ZMAT4: variants seen among roughly 807,000 people sequenced by gnomAD.
ZMAT4 encodes zinc finger matrin-type protein 4.
A neutral mutation model predicts 28.7 loss-of-function variants in ZMAT4; 17 were observed. The observed-to-expected ratio is 0.59, with a 90% CI of 0.41 to 0.89. The LOEUF is 0.89. Among genes scored for constraint, ZMAT4 ranks in the 40% least tolerant of loss-of-function variants. The pLI, the probability that ZMAT4 is intolerant of heterozygous loss-of-function variation, is 0.00. For missense variants in ZMAT4, 240 were observed against 283.8 expected (o/e 0.85, Z 1.11); for synonymous variants, 117 against 109.2 (o/e 1.07, Z -0.44).
At chr8:40,560,197 TTATA>T (rs4038742) in intron 6 of ZMAT4, among the ~76,000 whole-genome samples, 9 of 142,144 alleles carry the variant, frequency 6.3e-5, no homozygotes, top group Admixed American at 2.1e-4. Flanking sequence ...TTGTCAAACT[TTATA>T]TATATATATA....
At chr8:40,569,472 C>G (rs1013463593) in intron 6 of ZMAT4, among the ~76,000 whole-genome samples, 5 of 152,268 alleles carry the variant, frequency 3.3e-5, no homozygotes, top group East Asian at 3.9e-4. Flanking sequence ...TGAGAAGGCA[C>G]TACACTAACT....
At chr8:40,797,696 G>A (rs1248878691) in intron 2 of ZMAT4, among the ~76,000 whole-genome samples, 1 of 152,194 alleles carries the variant, frequency 6.6e-6, no homozygotes, top group Non-Finnish European at 1.5e-5. Context: ...AGAAATGACA[G>A]GATGCACAGA....
At chr8:40,533,789 T>A (rs1330600129) in intron 6 of ZMAT4, among the ~76,000 whole-genome samples, 3 of 152,226 alleles carry the variant, frequency 2.0e-5, no homozygotes, top group African/African-American at 7.2e-5. Flanking sequence ...TTAGTAGTTG[T>A]TATAAAAATT....
At chr8:40,627,003 C>A (rs1218796830) in intron 5 of ZMAT4, among the ~76,000 whole-genome samples, 3 of 152,166 alleles carry the variant, frequency 2.0e-5, no homozygotes, top group Non-Finnish European at 4.4e-5. Flanking sequence ...GATCCACGCC[C>A]TTTATGGGTC....
intron 1 of ZMAT4, among the ~76,000 whole-genome samples, chr8:40,827,540 G>C (rs912533664): frequency 6.6e-6 from 1 of 152,258 alleles, no homozygotes; most frequent in East Asian, 1.9e-4. Context: ...CCAATCTCAC[G>C]TTCTGTCCTT....
At chr8:40,627,409 C>T (rs979954556) in intron 5 of ZMAT4, among the ~76,000 whole-genome samples, 2 of 152,238 alleles carry the variant, frequency 1.3e-5, no homozygotes, top group African/African-American at 4.8e-5. Context: ...CACATACACA[C>T]AAACGTGTAT....
At chr8:40,652,175 C>T (rs1231226771) in intron 5 of ZMAT4, among the ~76,000 whole-genome samples, 5 of 122,974 alleles carry the variant, frequency 4.1e-5, no homozygotes, top group Non-Finnish European at 9.1e-5. Flanking sequence ...ATTTTTGCTA[C>T]CTACTCATTT....
intron 1 of ZMAT4, among the ~76,000 whole-genome samples, chr8:40,862,686 C>T (rs1817544762): frequency 6.7e-6 from 1 of 149,792 alleles, no homozygotes; most frequent in African/African-American, 2.5e-5. Context: ...ATGGATGAAG[C>T]TGGAAACCAT....
At chr8:40,791,774 C>T (rs1355970658) in intron 2 of ZMAT4, among the ~76,000 whole-genome samples, 1 of 152,228 alleles carries the variant, frequency 6.6e-6, no homozygotes, top group African/African-American at 2.4e-5. Flanking sequence ...CATGTTTTGT[C>T]TTAGCCTGAG....
chr8:40,614,691 G>T (rs958514738), intron 5 of ZMAT4, among the ~76,000 whole-genome samples: 1 of 152,122 alleles, frequency 6.6e-6, no homozygotes, highest in Non-Finnish European at 1.5e-5. Context: ...GGCCTTGTTT[G>T]TCTCTTTTGA....
chr8:40,555,186 A>T (rs1298971551), intron 6 of ZMAT4, among the ~76,000 whole-genome samples: 1 of 152,132 alleles, frequency 6.6e-6, no homozygotes, highest in Non-Finnish European at 1.5e-5. Context: ...TCCATTGTGT[A>T]TATACTACAT....
chr8:40,792,053 T>C (rs1180725525), intron 2 of ZMAT4, among the ~76,000 whole-genome samples: 1 of 152,230 alleles, frequency 6.6e-6, no homozygotes, highest in East Asian at 1.9e-4. Context: ...GGGTTGAAAC[T>C]AGTCTGACTG....
At chr8:40,773,598 T>TATTTGCAA (rs1813475896) in intron 2 of ZMAT4, among the ~76,000 whole-genome samples, 1 of 152,116 alleles carries the variant, frequency 6.6e-6, no homozygotes, top group Non-Finnish European at 1.5e-5. Flanking sequence ...TTTACTACAA[T>TATTTGCAA]AAGTAGAAGT....
At position 40,679,729 on chromosome 8, in the gene ZMAT4, T is replaced by C. The variant is rs745404298; in HGVS notation, c.350-4798A>G. 3.7e-4 allele frequency among the ~76,000 whole-genome samples: 57 copies of C among 152,262 alleles called. 1 individual carries two copies. Among genetic ancestry groups the C allele is most frequent in the Admixed American group, 2.0e-4 (3 of 15,286 alleles). ...TGGGTGGGGACACAGCCAAACCATA[T>C]CAGTCTCTATCAGAAAATTTCCTCA... On this transcript the variant is annotated intron_variant, in intron 4 of 6. Transcript: ENST00000297737.
intron 4 of ZMAT4, among the ~76,000 whole-genome samples, chr8:40,679,676 T>G (rs1809069704): frequency 6.6e-6 from 1 of 152,168 alleles, no homozygotes; most frequent in South Asian, 2.1e-4. Context: ...AAATGGAGAT[T>G]ATGAGAACTA....
chr8:40,618,844 C>T (rs1244534675), intron 5 of ZMAT4, among the ~76,000 whole-genome samples: 6 of 152,126 alleles, frequency 3.9e-5, no homozygotes, highest in African/African-American at 4.8e-5. Flanking sequence ...TCCCCAGAAG[C>T]GATGGATTCA....
chr8:40,680,115 A>G (rs887584236), intron 4 of ZMAT4, among the ~76,000 whole-genome samples: 1 of 152,172 alleles, frequency 6.6e-6, no homozygotes, highest in South Asian at 2.1e-4. Context: ...GATTCAACTA[A>G]ATATATTAAA....
At chr8:40,751,621 C>A (rs372709411) in intron 3 of ZMAT4, among the ~76,000 whole-genome samples, 2 of 151,980 alleles carry the variant, frequency 1.3e-5, no homozygotes, top group Non-Finnish European at 2.9e-5. Context: ...GGGCAAATAA[C>A]CAAACTATAA....
chr8:40,819,896 T>C (rs999549499), intron 2 of ZMAT4, among the ~76,000 whole-genome samples: 52 of 152,156 alleles, frequency 3.4e-4, no homozygotes, highest in African/African-American at 1.2e-3. Context: ...ATAGCAAATA[T>C]ATATGTTTTT....
Sources: gnomAD v4.1 joint callset for allele counts (sites outside exome capture counted in the v4.1 genomes callset) on GRCh38, gnomAD v4.1.1 for gene constraint, MANE v1.5 for transcripts, NCBI Gene and HGNC (gene_info 2026-07-23, HGNC 2026-07-21) for gene names.